The following SH3GLB1 variants were observed in gnomAD, a reference collection of about 807,000 sequenced individuals.
SH3GLB1 encodes the protein endophilin-B1.
A neutral mutation model predicts 42.0 loss-of-function variants in SH3GLB1; 17 were observed. The ratio of observed to expected loss-of-function variants is 0.40; its 90% CI spans 0.28 to 0.61. The LOEUF (loss-of-function observed/expected upper bound fraction) is 0.61. Among genes scored for constraint, SH3GLB1 ranks in the 20% least tolerant of loss-of-function variants. SH3GLB1 has a pLI of 0.36. For synonymous variants in SH3GLB1, 132 were observed against 146.6 expected, an observed-to-expected ratio of 0.90 and a Z score of 0.72; for missense variants, 355 against 426.3, an observed-to-expected ratio of 0.83 and a Z score of 1.47.
At chr1:86,710,116 A>T (rs263435) in intron 1 of SH3GLB1, among the ~76,000 whole-genome samples, 24,405 of 152,236 alleles carry the variant, frequency 0.16, 2,266 homozygotes, top group African/African-American at 0.26. Context: ...AACTGTTTTC[A>T]CATCCTTTGG....
chr1:86,724,380 CA>C lies in SH3GLB1; in HGVS notation c.549del (p.Ala184LeufsTer12). 1.2e-6 allele frequency: 2 copies of C among 1,601,626 alleles called. No individual in the cohort carries two copies. Among genetic ancestry groups the C allele is most frequent in the South Asian group, 2.3e-5 (2 of 87,956 alleles). On this transcript the variant is annotated frameshift_variant, in exon 5 of 9. Coordinates refer to ENST00000370558, the MANE Select transcript of SH3GLB1 (RefSeq NM_016009.5). LOFTEE classifies it high-confidence loss of function. The part of the protein sequence containing the change: ...LDAAKTRLKK[A>X]KAAETRNSSE... Reference sequence around the variant, plus strand: ...GCTGCAAAAACGAGACTAAAAAAGGCAAAAGCTGCAGAAACTAGAAATTCAG... The same window carrying C: ...GCTGCAAAAACGAGACTAAAAAAGGCAAAGCTGCAGAAACTAGAAATTCAG...
rs1656292998 is a variant in SH3GLB1 at position 86,746,285 on chromosome 1, CT to C, written c.*3052del. The C allele has an allele frequency of 6.6e-6, 1 of 152,152 alleles. No individual in the cohort carries two copies. Among genetic ancestry groups the C allele is most frequent in the Non-Finnish European group, 1.5e-5 (1 of 68,022 alleles). The allele number at this position is 152,152 out of a possible 1,614,324, so 9.4% of individuals were successfully genotyped here. On this transcript the variant is annotated 3_prime_UTR_variant, in exon 9 of 9. Transcript: ENST00000370558. ...GGAGGGCAAGGCAAAAACCCACAGA[CT>C]TGTTTACCCATAGAGGCCCCACTCA...
At chr1:86,731,783 T>TA (rs1260956571) in intron 5 of SH3GLB1, among the ~76,000 whole-genome samples, 1 of 152,104 alleles carries the variant, frequency 6.6e-6, no homozygotes, top group Admixed American at 6.5e-5. Flanking sequence ...TTTTTATAAT[T>TA]AAAAATGTAT....
At chr1:86,714,480 A>G (rs1654397579) in intron 1 of SH3GLB1, among the ~76,000 whole-genome samples, 1 of 152,210 alleles carries the variant, frequency 6.6e-6, no homozygotes, top group South Asian at 2.1e-4. Flanking sequence ...GCTTTACAAA[A>G]GCTATTTAAG....
chr1:86,722,446 C>T (rs1376970412), intron 3 of SH3GLB1, 94 bp from the exon 4 acceptor site: 1 of 1,233,142 alleles, frequency 8.1e-7, no homozygotes, highest in Admixed American at 2.5e-5. Context: ...TTACAGCTAA[C>T]TTTTAAACAG....
At chr1:86,722,792 T>C in intron 4 of SH3GLB1, 119 bp downstream of exon 4, 1 of 784,276 alleles carries the variant, frequency 1.3e-6, no homozygotes, top group Non-Finnish European at 1.9e-6. Flanking sequence ...TTAAATAATC[T>C]AGGTCAGTGC....
Position 86,715,767 on chromosome 1 carries a change from A to T in SH3GLB1, c.116A>T (p.Asp39Val). The stretch of plus-strand genomic sequence containing the variant: ...GGCCAGGCTGAGAAGACAGAATTGG[A>T]TGCTCACTTAGAGAACCTCCTTAGC... ...KLGQAEKTEL[D>V]AHLENLLSKA... is the part of the protein sequence containing the mutation. Residue 39 changes from aspartate to valine, a missense_variant, in exon 2 of 9, where the codon GAT (aspartate) becomes GTT (valine). Physicochemically the swap from Asp to Val is radical, Grantham distance 152 (BLOSUM62 -3). Transcript: ENST00000370558. 1 of 1,611,486 alleles carries T rather than the reference A, an allele frequency of 6.2e-7. No individual in the cohort carries two copies. The highest frequency in any genetic ancestry group is 8.5e-7 in the Non-Finnish European group (1 of 1,179,366).
At chr1:86,742,954 C>T (rs1228021526) in intron 8 of SH3GLB1, among the ~76,000 whole-genome samples, 174 bp from the exon 9 acceptor site, 2 of 152,164 alleles carry the variant, frequency 1.3e-5, no homozygotes, top group African/African-American at 4.8e-5. Flanking sequence ...GAGTGAGACC[C>T]TGCCTCAAAA....
intron 3 of SH3GLB1, among the ~76,000 whole-genome samples, chr1:86,720,084 G>A (rs576184766): frequency 7.3e-5 from 11 of 150,930 alleles, no homozygotes; most frequent in Admixed American, 2.0e-4. Context: ...GAGAAATATA[G>A]GCAAATATAT....
At chr1:86,742,853 C>G (rs1656122826) in intron 8 of SH3GLB1, among the ~76,000 whole-genome samples, 1 of 152,012 alleles carries the variant, frequency 6.6e-6, no homozygotes. Context: ...CCCAGCTACT[C>G]AGGAGGCTAA....
At chr1:86,709,304 C>T (rs148910170) in intron 1 of SH3GLB1, among the ~76,000 whole-genome samples, 45 of 152,176 alleles carry the variant, frequency 3.0e-4, no homozygotes, top group Non-Finnish European at 3.5e-4. Flanking sequence ...AAATTACCAT[C>T]CATATGTGAA....
chr1:86,742,250 G>A lies in SH3GLB1; in HGVS notation c.804G>A (p.Val268=), dbSNP rs371821126. The A allele has an allele frequency of 6.2e-7, 1 of 1,613,954 alleles. No homozygotes were observed. The highest frequency in any genetic ancestry group is 8.5e-7 in the Non-Finnish European group (1 of 1,179,988). ...NYLSNNNQTS[V]TPVPSVLPNA... Reference sequence around the variant, plus strand: ...TTAGTAACAACAATCAGACTTCTGTGACACCTGTACCATCAGTTTTACCAA... The same window carrying A: ...TTAGTAACAACAATCAGACTTCTGTAACACCTGTACCATCAGTTTTACCAA... The change falls in exon 8 of 9, where the codon GTG becomes GTA. Residue 268 remains valine (V), a synonymous_variant. Transcript: ENST00000370558.
intron 7 of SH3GLB1, among the ~76,000 whole-genome samples, chr1:86,741,001 AAT>A (rs1174283639): frequency 1.3e-5 from 2 of 152,158 alleles, no homozygotes; most frequent in East Asian, 3.8e-4. Flanking sequence ...AATATGATAA[AAT>A]ATGATAATGT....
intron 1 of SH3GLB1, among the ~76,000 whole-genome samples, chr1:86,705,281 G>A (rs1653784556): frequency 6.6e-6 from 1 of 152,140 alleles, no homozygotes; most frequent in Non-Finnish European, 1.5e-5. Context: ...CAGTGCTCCT[G>A]TGGCCTCCAC....
At chr1:86,715,284 G>C (rs1654443428) in intron 1 of SH3GLB1, among the ~76,000 whole-genome samples, 1 of 152,098 alleles carries the variant, frequency 6.6e-6, no homozygotes, top group Admixed American at 6.5e-5. Context: ...TTTTATAATA[G>C]AGGGTACTAA....
rs919585086 is a variant in SH3GLB1 at position 86,745,099 on chromosome 1, G to C, written c.*1864G>C. The C allele has an allele frequency of 6.6e-6, 1 of 152,176 alleles. No individual in the cohort carries two copies. The highest frequency in any genetic ancestry group is 2.4e-5 in the African/African-American group (1 of 41,438). The allele number at this position is 152,176 out of a possible 1,614,324, so 9.4% of individuals were successfully genotyped here. A position where few individuals can be genotyped will look rare whatever the true frequency, so the allele number is the denominator to read the frequency against. ...CAGCAACTATGAATTAGGTTTATGG[G>C]AAATGTAGTAATACAGGGGAAAGAA... On this transcript the variant is annotated 3_prime_UTR_variant, in exon 9 of 9. Coordinates refer to ENST00000370558, the MANE Select transcript of SH3GLB1 (RefSeq NM_016009.5).
At chr1:86,730,682 G>A (rs1376463215) in intron 5 of SH3GLB1, among the ~76,000 whole-genome samples, 1 of 151,976 alleles carries the variant, frequency 6.6e-6, no homozygotes, top group Non-Finnish European at 1.5e-5. Flanking sequence ...TGTATGTTTA[G>A]TAGCGGCAGT....
chr1:86,723,120 T>C (rs1033149589), intron 4 of SH3GLB1, among the ~76,000 whole-genome samples: 9 of 152,364 alleles, frequency 5.9e-5, no homozygotes, highest in African/African-American at 2.2e-4. Flanking sequence ...TATTACAATA[T>C]ATTATAGAAA....
intron 5 of SH3GLB1, 32 bp from the exon 6 acceptor site, chr1:86,734,570 A>G: frequency 6.7e-7 from 1 of 1,503,124 alleles, no homozygotes; most frequent in Non-Finnish European, 9.2e-7. Context: ...TGAGTCTTCT[A>G]AAGAGATTCT....
Sources: gnomAD v4.1 joint callset for allele counts (sites outside exome capture counted in the v4.1 genomes callset) on GRCh38, gnomAD v4.1.1 for gene constraint, MANE v1.5 for transcripts, NCBI Gene and HGNC (gene_info 2026-07-23, HGNC 2026-07-21) for gene names.